MACROH2A2: variants seen among roughly 807,000 people sequenced by gnomAD.
MACROH2A2 encodes the protein macroH2A.2 histone.
MACROH2A2 carries 6 observed loss-of-function variants against 37.6 expected under a neutral mutation model. The observed-to-expected ratio is 0.16, with a 90% CI of 0.09 to 0.32. MACROH2A2 has a LOEUF of 0.32. Among genes scored for constraint, MACROH2A2 ranks in the 10% least tolerant of loss-of-function variants. MACROH2A2 has a pLI of 1.00. For synonymous variants in MACROH2A2, 192 were observed against 202.7 expected (o/e 0.95, Z 0.45); for missense variants, 290 against 485.9 (o/e 0.60, Z 3.79).
At position 70,053,414 on chromosome 10, in the gene MACROH2A2, CGGGGCGATGGGTGG is replaced by C. The variant is rs902041294; in HGVS notation, c.-60+420_-60+433del. Among the ~76,000 whole-genome samples the C allele has an allele frequency of 6.6e-6, 1 of 151,414 alleles. No individual in the cohort carries two copies. Among genetic ancestry groups the C allele is most frequent in the African/African-American group, 2.4e-5 (1 of 41,186 alleles). ...GGAGGCGCCCGGCCGCCGATGGGCA[CGGGGCGATGGGTGG>C]GGGGCTGCGCAGGGCCCGAGGGAGC... On this transcript the variant is annotated intron_variant, in intron 1 of 8. Transcript: ENST00000373255. This position sits in a 1 kb window ranked among gnomAD's most constrained non-coding sequence, Gnocchi z 4.8.
At chr10:70,108,638 G>A (rs2072351499) in intron 7 of MACROH2A2, among the ~76,000 whole-genome samples, 1 of 152,124 alleles carries the variant, frequency 6.6e-6, no homozygotes, top group Non-Finnish European at 1.5e-5. Flanking sequence ...CCATGTACGG[G>A]AACACCCACA....
At chr10:70,078,551 T>G (rs61856695) in intron 2 of MACROH2A2, among the ~76,000 whole-genome samples, 12,268 of 152,256 alleles carry the variant, frequency 0.081, 590 homozygotes, top group Non-Finnish European at 0.11. Flanking sequence ...TACCTTAACC[T>G]CTCTGAGCTC....
Position 70,099,963 on chromosome 10 carries a change from C to T in MACROH2A2, c.689-245C>T, listed in dbSNP as rs558906440. Among the ~76,000 whole-genome samples, 12 of 152,262 alleles carry T rather than the reference C, an allele frequency of 7.9e-5. No homozygotes were observed. In the East Asian group the frequency reaches 1.9e-3, roughly 24 times the overall value. ...ATCTACAAGACTCAAGCCATGAGAC[C>T]GCTTTATGGCCAAATCACCCCTTAA... On this transcript the variant is annotated intron_variant, in intron 6 of 8. Transcript: ENST00000373255.
intron 7 of MACROH2A2, among the ~76,000 whole-genome samples, chr10:70,103,493 C>T (rs926721578): frequency 6.6e-6 from 1 of 152,098 alleles, no homozygotes; most frequent in African/African-American, 2.4e-5. Context: ...CAGGTGGGAG[C>T]CACCGTGCCC....
intron 2 of MACROH2A2, among the ~76,000 whole-genome samples, chr10:70,081,110 A>C (rs1431960838): frequency 6.8e-6 from 1 of 147,278 alleles, no homozygotes; most frequent in Non-Finnish European, 1.5e-5. Context: ...AGAAGAGCAG[A>C]GTGGATAGAA....
At chr10:70,084,057 A>C (rs1423220164) in intron 2 of MACROH2A2, among the ~76,000 whole-genome samples, 2 of 152,184 alleles carry the variant, frequency 1.3e-5, no homozygotes, top group Non-Finnish European at 2.9e-5. Flanking sequence ...TCAACTGACC[A>C]GAACAAGTAG....
At chr10:70,077,705 A>T (rs532813195) in intron 2 of MACROH2A2, among the ~76,000 whole-genome samples, 1 of 152,254 alleles carries the variant, frequency 6.6e-6, no homozygotes, top group East Asian at 1.9e-4. Flanking sequence ...CCCCATCTCT[A>T]CTAAAAAATA....
rs771480127 is a variant in MACROH2A2, at chr10:70,111,590, C to T, written c.1026C>T (p.Ser342=). The change falls in exon 9 of 9, where the codon AGC becomes AGT. Residue 342 remains serine (S), a synonymous_variant. Transcript: ENST00000373255. ...TCTCAGCCCACTTTGATGACTCGAG[C>T]GCGTCCTCGCTGAAGAACGTGTACT... ...KAISAHFDDS[S]ASSLKNVYFL... is the part of the protein sequence containing the mutation. 26 of 1,613,618 alleles carry T rather than the reference C, an allele frequency of 1.6e-5. No homozygotes were observed. Among genetic ancestry groups the T allele is most frequent in the East Asian group, 1.6e-4 (7 of 44,862 alleles).
intron 3 of MACROH2A2, among the ~76,000 whole-genome samples, 159 bp downstream of exon 3, chr10:70,090,325 C>A (rs1262424581): frequency 6.6e-6 from 1 of 152,262 alleles, no homozygotes; most frequent in Non-Finnish European, 1.5e-5. Context: ...TAGCTCTTAT[C>A]ATTCAGATTC....
intron 6 of MACROH2A2, chr10:70,099,443 A>C (rs1013297130): frequency 6.6e-6 from 1 of 152,222 alleles, no homozygotes; most frequent in Non-Finnish European, 1.5e-5. Context: ...GTTCATTCGA[A>C]GATGAAAACA....
rs1003885962 is a variant in MACROH2A2, at chr10:70,107,103, G to A, written c.779-1930G>A. On this transcript the variant is annotated intron_variant, in intron 7 of 8. Transcript: ENST00000373255. This position sits in a 1 kb window ranked among gnomAD's most constrained non-coding sequence, Gnocchi z 4.4. Reference sequence around the variant, plus strand: ...TGGTCGTAGAGTCAGCACGCATGGCGGGCCCCTACCCAGGGCCTCGGTGTA... The same window carrying A: ...TGGTCGTAGAGTCAGCACGCATGGCAGGCCCCTACCCAGGGCCTCGGTGTA... Among the ~76,000 whole-genome samples, 6 of 152,114 alleles carry A rather than the reference G, an allele frequency of 3.9e-5. No homozygotes were observed. The highest frequency in any genetic ancestry group is 4.4e-5 in the Non-Finnish European group (3 of 68,032).
chr10:70,072,240 A>G (rs1223964450), intron 1 of MACROH2A2, among the ~76,000 whole-genome samples: 3 of 151,960 alleles, frequency 2.0e-5, no homozygotes, highest in Non-Finnish European at 4.4e-5. Flanking sequence ...CTTTAAGTTT[A>G]TAAGCATTTT....
intron 2 of MACROH2A2, among the ~76,000 whole-genome samples, chr10:70,080,903 A>C (rs988640281): frequency 6.7e-6 from 1 of 148,250 alleles, no homozygotes; most frequent in African/African-American, 2.5e-5. Flanking sequence ...AAAAAAAAAA[A>C]AAAAAAAAAA....
intron 1 of MACROH2A2, among the ~76,000 whole-genome samples, chr10:70,062,379 T>C (rs2072055072): frequency 6.6e-6 from 1 of 152,186 alleles, no homozygotes; most frequent in African/African-American, 2.4e-5. Context: ...AGGATAAAAA[T>C]GAATAAATTG....
chr10:70,059,389 T>C (rs993598654), intron 1 of MACROH2A2, among the ~76,000 whole-genome samples: 12 of 151,818 alleles, frequency 7.9e-5, no homozygotes, highest in Non-Finnish European at 1.2e-4. Context: ...TTTTTTTTTT[T>C]TGAGACAGAG....
chr10:70,110,279 GGAT>G (rs1434852377), intron 8 of MACROH2A2, among the ~76,000 whole-genome samples: 2 of 152,150 alleles, frequency 1.3e-5, no homozygotes, highest in African/African-American at 4.8e-5. Context: ...CCAGCCTGGT[GGAT>G]GGCACTATCA....
At chr10:70,064,454 G>T (rs4746948) in intron 1 of MACROH2A2, among the ~76,000 whole-genome samples, 10,397 of 152,254 alleles carry the variant, frequency 0.068, 541 homozygotes, top group East Asian at 0.24. Flanking sequence ...GCTCATTCTG[G>T]CATTTGGGGG....
chr10:70,053,573 G>A lies in MACROH2A2; in HGVS notation c.-60+573G>A, dbSNP rs539701286. Among the ~76,000 whole-genome samples the A allele has an allele frequency of 6.6e-6, 1 of 151,720 alleles. No homozygotes were observed. The highest frequency in any genetic ancestry group is 2.4e-5 in the African/African-American group (1 of 41,490). On this transcript the variant is annotated intron_variant, in intron 1 of 8. Coordinates refer to ENST00000373255, the MANE Select transcript of MACROH2A2 (RefSeq NM_018649.3). The surrounding 1 kb of genome is among the most constrained non-coding windows in gnomAD (Gnocchi z 4.8). ...AGGTTAGGGACCCGAGTCCGGGGGCGGGCCGCGCCGGGGAAGGTCAGGTCG... is the reference window on the plus strand; with the variant it reads ...AGGTTAGGGACCCGAGTCCGGGGGCAGGCCGCGCCGGGGAAGGTCAGGTCG...
intron 6 of MACROH2A2, 66 bp from the exon 7 acceptor site, chr10:70,100,140 AAT>A: frequency 1.2e-6 from 1 of 803,420 alleles, no homozygotes; most frequent in South Asian, 1.6e-5. Context: ...GCCTACTACA[AAT>A]ATGTCAAACA....
Sources: allele counts gnomAD v4.1 joint callset (sites outside exome capture counted in the v4.1 genomes callset), GRCh38; gene constraint gnomAD v4.1.1; non-coding constraint Gnocchi (gnomAD v3.1); transcripts MANE v1.5; gene names NCBI Gene and HGNC (gene_info 2026-07-23, HGNC 2026-07-21).